ACYP2: variants seen among roughly 807,000 people sequenced by gnomAD.
ACYP2 encodes acylphosphatase 2, also known as acylphosphatase-2.
In ACYP2, 12 loss-of-function variants were observed where a neutral mutation model predicts 11.2. The ratio of observed to expected loss-of-function variants is 1.08; its 90% CI spans 0.69 to 1.74. The LOEUF (loss-of-function observed/expected upper bound fraction) is 1.74, where lower values mean the gene tolerates loss of function less well. ACYP2 is among the 40% of genes most tolerant of loss of function. ACYP2 has a pLI of 0.00. For missense variants in ACYP2, 134 were observed against 101.9 expected (o/e 1.31, Z -1.35); for synonymous variants, 43 against 32.2 (o/e 1.33, Z -1.13).
At chr2:54,271,386 G>A (rs915288643) in intron 6 of ACYP2, among the ~76,000 whole-genome samples, 2 of 152,130 alleles carry the variant, frequency 1.3e-5, no homozygotes, top group African/African-American at 2.4e-5. Context: ...TAGAACCTAC[G>A]ATTGGGTTTT....
chr2:54,278,534 T>C (rs182070777), intron 6 of ACYP2, among the ~76,000 whole-genome samples: 5 of 152,340 alleles, frequency 3.3e-5, no homozygotes, highest in Admixed American at 6.5e-5. Flanking sequence ...TTGGAATAAT[T>C]ATGAGAATCC....
chr2:53,975,093 C>T (rs1163548715), intron 2 of ACYP2, among the ~76,000 whole-genome samples: 1 of 151,974 alleles, frequency 6.6e-6, no homozygotes, highest in African/African-American at 2.4e-5. Flanking sequence ...GGCATGGTGG[C>T]GTGCGCCTGT....
intron 6 of ACYP2, among the ~76,000 whole-genome samples, chr2:54,236,476 T>C (rs764991921): frequency 4.6e-5 from 7 of 152,226 alleles, no homozygotes; most frequent in Non-Finnish European, 1.0e-4. Flanking sequence ...AGTATATTTC[T>C]TAATTTATAA....
chr2:54,195,654 A>G (rs34394331), intron 6 of ACYP2, among the ~76,000 whole-genome samples: 1 of 149,010 alleles, frequency 6.7e-6, no homozygotes, highest in Non-Finnish European at 1.5e-5. Flanking sequence ...AAAAAAAACA[A>G]AACACTGTAC....
At chr2:54,233,642 C>G (rs1686341731) in intron 6 of ACYP2, among the ~76,000 whole-genome samples, 1 of 152,044 alleles carries the variant, frequency 6.6e-6, no homozygotes. Flanking sequence ...ATCCCTGTCT[C>G]CAGCCCCTTC....
In ACYP2 at chr2:53,977,820, T is replaced by G. The variant is rs544841528; in HGVS notation, c.62+4010T>G. Among the ~76,000 whole-genome samples the G allele has an allele frequency of 3.4e-4, 52 of 152,242 alleles. No individual in the cohort carries two copies. The South Asian group carries it at 0.01, about 30-fold the overall frequency. On this transcript the variant is annotated intron_variant, in intron 2 of 6. Coordinates refer to ENST00000607452, the MANE Select transcript of ACYP2 (RefSeq NM_001320586.2). ...AATTTGATTCAGTCACCTCACATAC[T>G]TAACATTCTGGCTTTCCTTTCCTCT...
chr2:54,027,301 A>G (rs1383828939), intron 2 of ACYP2, among the ~76,000 whole-genome samples: 1 of 152,162 alleles, frequency 6.6e-6, no homozygotes, highest in Non-Finnish European at 1.5e-5. Context: ...AGCAGACCAT[A>G]AAAACTTGGA....
intron 6 of ACYP2, among the ~76,000 whole-genome samples, chr2:54,195,893 G>T (rs1331203808): frequency 7.0e-6 from 1 of 143,518 alleles, no homozygotes. Flanking sequence ...TGCCTCCTGG[G>T]TTCCAGCAGT....
chr2:53,982,871 T>A (rs942930318), intron 2 of ACYP2, among the ~76,000 whole-genome samples: 6 of 139,376 alleles, frequency 4.3e-5, no homozygotes, highest in African/African-American at 1.3e-4. Flanking sequence ...TGTGTGTGTG[T>A]GTGATATAAA....
chr2:53,991,321 T>C (rs913914502), intron 2 of ACYP2, among the ~76,000 whole-genome samples: 1 of 152,232 alleles, frequency 6.6e-6, no homozygotes, highest in African/African-American at 2.4e-5. Flanking sequence ...TAAATATTCA[T>C]GTATAAGTCA....
At chr2:54,094,210 C>T (rs1211765193) in intron 4 of ACYP2, among the ~76,000 whole-genome samples, 1 of 150,974 alleles carries the variant, frequency 6.6e-6, no homozygotes, top group African/African-American at 2.4e-5. Context: ...GAGAAGAAGA[C>T]ATGGTGGGGA....
At chr2:54,276,874 A>G (rs1688617181) in intron 6 of ACYP2, among the ~76,000 whole-genome samples, 1 of 152,176 alleles carries the variant, frequency 6.6e-6, no homozygotes, top group Non-Finnish European at 1.5e-5. Flanking sequence ...ATTTTCTCAC[A>G]AAAGTGGGGT....
At chr2:54,189,115 G>T (rs975943082) in intron 6 of ACYP2, among the ~76,000 whole-genome samples, 14 of 152,050 alleles carry the variant, frequency 9.2e-5, no homozygotes, top group African/African-American at 2.9e-4. Flanking sequence ...TAGTAAAATG[G>T]TTACTATAGT....
chr2:54,060,895 G>GTT (rs202235861), intron 4 of ACYP2, among the ~76,000 whole-genome samples: 1 of 149,676 alleles, frequency 6.7e-6, no homozygotes, highest in African/African-American at 2.5e-5. Context: ...TCAAATACTT[G>GTT]TTTTTTTTTG....
intron 2 of ACYP2, among the ~76,000 whole-genome samples, chr2:54,011,894 T>C (rs901246838): frequency 1.8e-4 from 28 of 152,186 alleles, no homozygotes; most frequent in African/African-American, 6.5e-4. Flanking sequence ...GTTGTCTACC[T>C]TGGAAAGTTT....
Position 54,013,673 on chromosome 2 carries a change from A to G in ACYP2, c.63-37285A>G, listed in dbSNP as rs183694587. ...ATACAAATCCTTGACTGTAAGTTCT[A>G]TGACGAGTTTATTTAACAGTTCCAG... On this transcript the variant is annotated intron_variant, in intron 2 of 6. Transcript: ENST00000607452. 5.9e-4 allele frequency among the ~76,000 whole-genome samples: 89 copies of G among 151,782 alleles called. 1 individual carries two copies. The highest frequency in any genetic ancestry group is 2.1e-3 in the African/African-American group (87 of 41,410).
chr2:54,214,832 G>T (rs1378346195), intron 6 of ACYP2, among the ~76,000 whole-genome samples: 2 of 152,148 alleles, frequency 1.3e-5, no homozygotes, highest in South Asian at 2.1e-4. Flanking sequence ...TCTGCAAATT[G>T]CTTAGGACAG....
intron 4 of ACYP2, 48 bp from the exon 1 acceptor site, chr2:54,115,567 G>C: frequency 1.3e-6 from 2 of 1,527,736 alleles, no homozygotes; most frequent in South Asian, 1.2e-5. Flanking sequence ...ACCCCGGCGC[G>C]CTAGCGTCCG....
In ACYP2 at chr2:54,177,903, TTA is replaced by T. The variant is rs1174951597; in HGVS notation, c.404+39157_404+39158del. On this transcript the variant is annotated intron_variant, in intron 6 of 6. Coordinates refer to ENST00000607452, the MANE Select transcript of ACYP2 (RefSeq NM_001320586.2). ...CCTCCTGTTTCTTTTCTTTCTTTCT[TTA>T]TTTTTTTTTTTTTTTTTGAGATGGA... 8.3e-4 allele frequency among the ~76,000 whole-genome samples: 28 copies of T among 33,652 alleles called. 1 individual carries two copies. Among genetic ancestry groups the T allele is most frequent in the African/African-American group, 4.0e-3 (22 of 5,472 alleles). 22.1% of individuals were successfully genotyped at this position (33,652 alleles called of 152,430 possible).
Sources: gnomAD v4.1 joint callset for allele counts (sites outside exome capture counted in the v4.1 genomes callset) on GRCh38, gnomAD v4.1.1 for gene constraint, MANE v1.5 for transcripts, NCBI Gene and HGNC (gene_info 2026-07-23, HGNC 2026-07-21) for gene names.